Variants in ZNF43 observed in about 807,000 individuals in gnomAD.
ZNF43 encodes zinc finger protein 39-like 1 (KOX 27).
A neutral mutation model predicts 68.4 loss-of-function variants in ZNF43; 44 were observed. The ratio of observed to expected loss-of-function variants is 0.64; its 90% CI spans 0.51 to 0.83. The LOEUF (loss-of-function observed/expected upper bound fraction) is 0.83, where lower values mean the gene tolerates loss of function less well. Ranked by LOEUF, ZNF43 falls within the 40% of genes least tolerant of loss-of-function variation. The pLI is 0.00. For missense variants in ZNF43, 896 were observed against 933.2 expected (o/e 0.96, Z 0.52); for synonymous variants, 308 against 307.8 (o/e 1.00, Z -0.01).
chr19:21,844,338 ACT>A (rs1300898400), intron 1 of ZNF43, among the ~76,000 whole-genome samples: 1 of 124,102 alleles, frequency 8.1e-6, no homozygotes, highest in Non-Finnish European at 1.6e-5. Context: ...GATAAGGGAG[ACT>A]CTGTCTCAAA....
At chr19:21,831,549 C>G (rs2145316517) in intron 1 of ZNF43, among the ~76,000 whole-genome samples, 1 of 152,060 alleles carries the variant, frequency 6.6e-6, no homozygotes, top group Non-Finnish European at 1.5e-5. Context: ...TTAGTAGAGA[C>G]AGGGTTTCAT....
At chr19:21,839,074 T>C (rs1303272901), upstream of ZNF43, 2 of 152,080 alleles carry the variant, frequency 1.3e-5, no homozygotes, top group Non-Finnish European at 2.9e-5. Context: ...CTCAGCAATA[T>C]ATCACAATAC....
chr19:21,835,972 C>A, intron 1 of ZNF43, 64 bp downstream of exon 1: 1 of 1,610,254 alleles, frequency 6.2e-7, no homozygotes, highest in Admixed American at 1.7e-5. Flanking sequence ...GAGCTGACTG[C>A]GGGAAGGCCT....
At chr19:21,818,082 C>T (rs1368727566) in intron 2 of ZNF43, 96 bp from the exon 3 acceptor site, 4 of 1,284,860 alleles carry the variant, frequency 3.1e-6, no homozygotes, top group Non-Finnish European at 4.3e-6. Context: ...ATAGAATATC[C>T]TAATCATTAA....
In ZNF43 at chr19:21,807,892, A is replaced by G. The variant is rs1175397513; in HGVS notation, c.2145T>C (p.Phe715=). Residue 715 remains phenylalanine, a synonymous_variant, in exon 4 of 4, where the codon TTT becomes TTC. Coordinates refer to ENST00000354959, the MANE Select transcript of ZNF43 (RefSeq NM_003423.4). ...PYKCEKCGKA[F]NRSSNLIEHK... The stretch of plus-strand genomic sequence containing the variant: ...GTTCAATAAGGTTTGAGGATCGGTT[A>G]AAAGCTTTGCCACATTTTTCACATT... 2 of 1,613,114 alleles carry G rather than the reference A, an allele frequency of 1.2e-6. No homozygotes were observed. The highest frequency in any genetic ancestry group is 1.7e-6 in the Non-Finnish European group (2 of 1,179,762).
intron 3 of ZNF43, among the ~76,000 whole-genome samples, chr19:21,814,951 G>A (rs2037448705): frequency 2.0e-5 from 3 of 151,904 alleles, no homozygotes; most frequent in African/African-American, 7.3e-5. Flanking sequence ...ACTTTGGGAG[G>A]CCGAGGCAGG....
At chr19:21,816,192 C>T (rs550278258) in intron 3 of ZNF43, among the ~76,000 whole-genome samples, 2 of 152,210 alleles carry the variant, frequency 1.3e-5, no homozygotes, top group South Asian at 4.1e-4. Context: ...CTCAGCCATC[C>T]TAGACAAAAA....
At chr19:21,825,190 C>T (rs1453456461) in intron 1 of ZNF43, among the ~76,000 whole-genome samples, 1 of 152,038 alleles carries the variant, frequency 6.6e-6, no homozygotes, top group East Asian at 1.9e-4. Flanking sequence ...GCCTAGATTG[C>T]ACCATTGTAC....
chr19:21,828,642 A>C (rs2038256208), intron 1 of ZNF43, among the ~76,000 whole-genome samples: 1 of 151,898 alleles, frequency 6.6e-6, no homozygotes, highest in South Asian at 2.1e-4. Flanking sequence ...ACTTGAACCC[A>C]GTAGGCGGAG....
chr19:21,818,182 A>T (rs1293179462), intron 2 of ZNF43, among the ~76,000 whole-genome samples, 196 bp from the exon 3 acceptor site: 1 of 151,716 alleles, frequency 6.6e-6, no homozygotes, highest in Non-Finnish European at 1.5e-5. Flanking sequence ...GGCCCCCTGC[A>T]ATCTCCACCT....
intron 1 of ZNF43, among the ~76,000 whole-genome samples, chr19:21,828,905 C>T (rs181877278): frequency 2.0e-5 from 3 of 150,622 alleles, no homozygotes; most frequent in Admixed American, 6.6e-5. Context: ...CCCTGGCGGG[C>T]GCCTATACTC....
Position 21,808,920 on chromosome 19 carries a change from T to G in ZNF43, c.1117A>C (p.Thr373Pro), listed in dbSNP as rs1457608318. ...CGGCTAAAAGCTTCACCACATTCTG[T>G]ACATTTATAGAATTTCTCTGCAGTA... ...IHTAEKFYKC[T>P]ECGEAFSRSS... The change falls in exon 4 of 4, where the codon ACA becomes CCA. Residue 373 changes from threonine to proline, a missense_variant. Coordinates refer to ENST00000354959, the MANE Select transcript of ZNF43 (RefSeq NM_003423.4). The G allele has an allele frequency of 4.3e-6, 7 of 1,612,858 alleles. No individual in the cohort carries two copies. The highest frequency in any genetic ancestry group is 5.9e-6 in the Non-Finnish European group (7 of 1,179,668).
chr19:21,844,347 CAAA>C (rs57500822), intron 1 of ZNF43, among the ~76,000 whole-genome samples: 13 of 43,154 alleles, frequency 3.0e-4, no homozygotes, highest in Non-Finnish European at 5.8e-4. Context: ...GACTCTGTCT[CAAA>C]AAAAAAAAAA....
chr19:21,817,837 C>G (rs1460362674), intron 3 of ZNF43, 51 bp downstream of exon 3: 6 of 1,552,426 alleles, frequency 3.9e-6, no homozygotes, highest in Non-Finnish European at 5.3e-6. Flanking sequence ...TTCCCCTTAA[C>G]CTTTGGACTT....
intron 1 of ZNF43, among the ~76,000 whole-genome samples, chr19:21,821,590 A>G (rs747470650): frequency 7.2e-5 from 11 of 152,146 alleles, no homozygotes; most frequent in Non-Finnish European, 1.5e-4. Context: ...GTTTTCCCCA[A>G]TAGAAATCTT....
At chr19:21,843,242 T>C in intron 1 of ZNF43, 1 of 331,240 alleles carries the variant, frequency 3.0e-6, no homozygotes, top group Non-Finnish European at 4.3e-6. Flanking sequence ...TCCAGCGATA[T>C]GTCACAATCC....
chr19:21,847,729 T>G (rs1968059435), intron 1 of ZNF43, among the ~76,000 whole-genome samples: 1 of 151,912 alleles, frequency 6.6e-6, no homozygotes, highest in Admixed American at 6.6e-5. Flanking sequence ...ATCACCATGG[T>G]GACGGGCATC....
intron 1 of ZNF43, 101 bp downstream of exon 1, chr19:21,835,935 C>A (rs1300573441): frequency 1.9e-5 from 31 of 1,593,706 alleles, no homozygotes; most frequent in East Asian, 4.5e-5. Context: ...CCGAGCTGGG[C>A]AAGAACTCCG....
chr19:21,819,170 GC>G lies in ZNF43; in HGVS notation c.54del (p.Trp18CysfsTer15). 2 of 1,608,756 alleles carry G rather than the reference GC, an allele frequency of 1.2e-6. No homozygotes were observed. Among genetic ancestry groups the G allele is most frequent in the Non-Finnish European group, 1.7e-6 (2 of 1,178,228 alleles). On this transcript the variant is annotated frameshift_variant, in exon 2 of 4. Transcript: ENST00000354959. LOFTEE classifies it high-confidence loss of function. Reference sequence around the variant, plus strand: ...TTCTGCTGTGCAATGTCCAGGCATTGCCACTCCTCCAGACAGAATTCTATGG... The same window carrying G: ...TTCTGCTGTGCAATGTCCAGGCATTGCACTCCTCCAGACAGAATTCTATGG... Reference protein sequence around the residue: ...DVAIEFCLEEWQCLDIAQQNL... With the variant: ...DVAIEFCLEEXQCLDIAQQNL...
Sources: gnomAD v4.1 joint callset for allele counts (sites outside exome capture counted in the v4.1 genomes callset) on GRCh38, gnomAD v4.1.1 for gene constraint, MANE v1.5 for transcripts, NCBI Gene and HGNC (gene_info 2026-07-23, HGNC 2026-07-21) for gene names.